The following ST7 variants were observed in gnomAD, a reference collection of about 807,000 sequenced individuals.
ST7 encodes suppressor of tumorigenicity 7 protein.
Under a neutral mutation model 78.7 loss-of-function variants are expected in ST7, and 28 were observed. The observed-to-expected ratio is 0.36, with a 90% CI of 0.26 to 0.49. The LOEUF (loss-of-function observed/expected upper bound fraction) is 0.49, where lower values mean the gene tolerates loss of function less well. Ranked by LOEUF, ST7 falls within the 20% of genes least tolerant of loss-of-function variation. The probability of loss-of-function intolerance (pLI) is 0.99; values close to 1 mark genes in which losing one functional copy is unlikely to be tolerated. For missense variants in ST7, 418 were observed against 696.0 expected, an observed-to-expected ratio of 0.60 and a Z score of 4.49; for synonymous variants, 247 against 249.6, an observed-to-expected ratio of 0.99 and a Z score of 0.10.
At chr7:117,059,135 A>C (rs1357017801) in intron 1 of ST7, among the ~76,000 whole-genome samples, 1 of 152,340 alleles carries the variant, frequency 6.6e-6, no homozygotes, top group Admixed American at 6.5e-5. Flanking sequence ...CAGCACAATG[A>C]GGTGACCATA....
intron 1 of ST7, among the ~76,000 whole-genome samples, chr7:117,040,214 A>C (rs956632009): frequency 6.6e-6 from 1 of 152,132 alleles, no homozygotes; most frequent in Non-Finnish European, 1.5e-5. Flanking sequence ...TCTACTAAAA[A>C]TACAAAAGTT....
intron 1 of ST7, among the ~76,000 whole-genome samples, chr7:117,071,112 G>A (rs983200683): frequency 9.2e-5 from 14 of 151,834 alleles, no homozygotes; most frequent in East Asian, 2.0e-4. Context: ...CCAGCTACTC[G>A]GGAGGCTGAG....
At chr7:117,088,105 A>ACT (rs1186559531) in intron 1 of ST7, among the ~76,000 whole-genome samples, 1 of 151,206 alleles carries the variant, frequency 6.6e-6, no homozygotes, top group Non-Finnish European at 1.5e-5. Flanking sequence ...TAGAGTCCAT[A>ACT]CTCTCTCTTC....
At chr7:117,020,560 T>TC (rs774661732) in intron 1 of ST7, 16 of 1,543,242 alleles carry the variant, frequency 1.0e-5, no homozygotes, top group South Asian at 2.4e-5. Flanking sequence ...CTTTTTTTTT[T>TC]CCCTTTTCTT....
chr7:117,192,292 A>G (rs1362780586), intron 12 of ST7, among the ~76,000 whole-genome samples: 2 of 152,216 alleles, frequency 1.3e-5, no homozygotes, highest in African/African-American at 2.4e-5. Flanking sequence ...TTCAGTAAGC[A>G]TAAATAAGGC....
Position 117,219,708 on chromosome 7 carries a change from G to A in ST7, c.1498+532G>A, listed in dbSNP as rs939737975. On this transcript the variant is annotated intron_variant, in intron 14 of 15. Transcript: ENST00000323984. The surrounding 1 kb of genome is among the most constrained non-coding windows in gnomAD (Gnocchi z 5.1). ...AAGAGGGATTTCCCGTGAGCACCTC[G>A]TGGGTTGCATGTAGTGACTCGGAGT... Among the ~76,000 whole-genome samples the A allele has an allele frequency of 4.6e-5, 7 of 152,234 alleles. No individual in the cohort carries two copies. Among genetic ancestry groups the A allele is most frequent in the African/African-American group, 1.7e-4 (7 of 41,454 alleles).
At chr7:117,103,864 A>C (rs1208957727) in intron 2 of ST7, among the ~76,000 whole-genome samples, 1 of 152,236 alleles carries the variant, frequency 6.6e-6, no homozygotes, top group Non-Finnish European at 1.5e-5. Context: ...TAATAACCAG[A>C]ATATATAAGG....
chr7:117,098,981 T>C (rs1801336388), intron 1 of ST7, among the ~76,000 whole-genome samples: 2 of 139,222 alleles, frequency 1.4e-5, no homozygotes, highest in South Asian at 4.6e-4. Flanking sequence ...AGAAGGTGCC[T>C]GGGCTACTCT....
intron 1 of ST7, among the ~76,000 whole-genome samples, chr7:117,034,397 T>C (rs1019282168): frequency 6.6e-6 from 1 of 152,180 alleles, no homozygotes; most frequent in African/African-American, 2.4e-5. Context: ...TGTATGAAAA[T>C]CTATGATGTG....
At chr7:117,020,161 C>T (rs146376737) in intron 1 of ST7, 187 of 156,942 alleles carry the variant, frequency 1.2e-3, no homozygotes, top group Non-Finnish European at 1.9e-3. Context: ...TCAAGCAGCG[C>T]AGTCGGTCTG....
At chr7:116,964,294 T>C (rs1020072758) in intron 1 of ST7, among the ~76,000 whole-genome samples, 4 of 152,242 alleles carry the variant, frequency 2.6e-5, no homozygotes, top group Admixed American at 2.6e-4. Context: ...TTCTGGACTC[T>C]GTCTTGGGAA....
intron 1 of ST7, among the ~76,000 whole-genome samples, chr7:117,022,377 G>C (rs897703595): frequency 6.6e-6 from 1 of 152,090 alleles, no homozygotes; most frequent in Non-Finnish European, 1.5e-5. Context: ...TCTTTGGCAC[G>C]TGTATACCTA....
chr7:117,192,556 T>A (rs1392311129), intron 12 of ST7, among the ~76,000 whole-genome samples: 1 of 152,236 alleles, frequency 6.6e-6, no homozygotes, highest in Non-Finnish European at 1.5e-5. Flanking sequence ...TTAAGATTTT[T>A]GATGATTTTA....
chr7:117,128,079 G>A lies in ST7; in HGVS notation c.395-1714G>A, dbSNP rs962306667. On this transcript the variant is annotated intron_variant, in intron 3 of 15. Coordinates refer to ENST00000323984, the MANE Select transcript of ST7 (RefSeq NM_001369598.1). ...GTGGAGGAGAAGCATCTCCCCAAATGTCCTTGTTTTATAGTAAATAATTCT... is the reference window on the plus strand; with the variant it reads ...GTGGAGGAGAAGCATCTCCCCAAATATCCTTGTTTTATAGTAAATAATTCT... Among the ~76,000 whole-genome samples the A allele has an allele frequency of 1.2e-4, 18 of 151,938 alleles. 1 individual carries two copies. Among genetic ancestry groups the A allele is most frequent in the African/African-American group, 3.1e-4 (13 of 41,506 alleles).
intron 2 of ST7, among the ~76,000 whole-genome samples, chr7:117,107,045 A>T (rs1802034104): frequency 2.6e-5 from 4 of 152,048 alleles, no homozygotes; most frequent in South Asian, 2.1e-4. Flanking sequence ...TTCCATCCAG[A>T]TTGCTGCAAA....
chr7:117,173,333 A>G (rs1022822024), intron 10 of ST7: 1 of 152,188 alleles, frequency 6.6e-6, no homozygotes, highest in African/African-American at 2.4e-5. Flanking sequence ...TTCTGAAGGG[A>G]GTTTTGGTGC....
intron 9 of ST7, among the ~76,000 whole-genome samples, chr7:117,169,456 A>C (rs193560): frequency 1.3e-5 from 2 of 152,060 alleles, no homozygotes; most frequent in Non-Finnish European, 2.9e-5. Context: ...TTTCTTGAAG[A>C]TAAAAACTTT....
At chr7:117,085,802 A>G (rs1424831002) in intron 1 of ST7, among the ~76,000 whole-genome samples, 1 of 152,230 alleles carries the variant, frequency 6.6e-6, no homozygotes, top group East Asian at 1.9e-4. Flanking sequence ...AAATTAAAAG[A>G]AAAGGGAAGA....
intron 12 of ST7, among the ~76,000 whole-genome samples, chr7:117,202,972 A>G (rs959639714): frequency 1.3e-5 from 2 of 152,186 alleles, no homozygotes; most frequent in Non-Finnish European, 2.9e-5. Flanking sequence ...AACCGAACAG[A>G]ACCTGTGTTA....
Sources: gnomAD v4.1 joint callset for allele counts (sites outside exome capture counted in the v4.1 genomes callset) on GRCh38, gnomAD v4.1.1 for gene constraint, Gnocchi (gnomAD v3.1) non-coding constraint, MANE v1.5 for transcripts, NCBI Gene and HGNC (gene_info 2026-07-23, HGNC 2026-07-21) for gene names.